Variants in PDE8B observed in about 807,000 individuals in gnomAD.
PDE8B encodes phosphodiesterase 8B.
A neutral mutation model predicts 101.3 loss-of-function variants in PDE8B; 26 were observed. That is an observed-to-expected ratio of 0.26 (90% confidence interval 0.19 to 0.36). The LOEUF (loss-of-function observed/expected upper bound fraction) is 0.36, where lower values mean the gene tolerates loss of function less well. Ranked by LOEUF, PDE8B falls within the 10% of genes least tolerant of loss-of-function variation. The pLI, the probability that PDE8B is intolerant of heterozygous loss-of-function variation, is 1.00. For synonymous variants in PDE8B, 424 were observed against 429.3 expected (o/e 0.99, Z 0.15); for missense variants, 810 against 1,163.1 (o/e 0.70, Z 4.42).
chr5:77,119,702 T>C, the PDE8B span: 3,148 of 149,362 alleles, frequency 0.021, 40 homozygotes, highest in Non-Finnish European at 0.033. Flanking sequence ...AGCAGCATTA[T>C]GTGTTATAGT....
intron 1 of PDE8B, among the ~76,000 whole-genome samples, chr5:77,246,007 C>T (rs941830281): frequency 4.0e-5 from 6 of 151,784 alleles, no homozygotes; most frequent in Non-Finnish European, 5.9e-5. Flanking sequence ...CGCACTACCA[C>T]GCCCAGCTAA....
At chr5:77,290,173 A>G in intron 1 of PDE8B, 1 of 1,448,516 alleles carries the variant, frequency 6.9e-7, no homozygotes. Context: ...GTCTTACATT[A>G]AAAACCATTG....
At chr5:77,207,169 G>C (rs1580308262), upstream of PDE8B, among the ~76,000 whole-genome samples, 1 of 152,342 alleles carries the variant, frequency 6.6e-6, no homozygotes, top group East Asian at 1.9e-4. Context: ...AGCTCTGTAA[G>C]GTTGATTGGT....
intron 1 of PDE8B, among the ~76,000 whole-genome samples, chr5:77,238,259 T>A (rs1365141407): frequency 1.3e-5 from 2 of 152,190 alleles, no homozygotes; most frequent in African/African-American, 4.8e-5. Flanking sequence ...TCTGTTTTTT[T>A]AGTTCAGTCT....
chr5:77,124,571 G>A, the PDE8B span, among the ~76,000 whole-genome samples: 1 of 150,910 alleles, frequency 6.6e-6, no homozygotes, highest in Non-Finnish European at 1.5e-5. Context: ...GGGTGACAGA[G>A]TGAGACACTG....
chr5:77,419,190 T>C (rs1013586983), intron 18 of PDE8B, among the ~76,000 whole-genome samples: 1 of 152,234 alleles, frequency 6.6e-6, no homozygotes, highest in African/African-American at 2.4e-5. Context: ...GTAGCCAATT[T>C]TATTCAAGAG....
At chr5:77,320,510 T>A (rs575791716) in intron 2 of PDE8B, among the ~76,000 whole-genome samples, 1 of 152,178 alleles carries the variant, frequency 6.6e-6, no homozygotes, top group African/African-American at 2.4e-5. Flanking sequence ...TGGATTCTTG[T>A]CCATGCTTTG....
chr5:77,369,226 G>A (rs199927886), intron 10 of PDE8B, among the ~76,000 whole-genome samples: 117 of 92,494 alleles, frequency 1.3e-3, no homozygotes, highest in Admixed American at 4.1e-3. Flanking sequence ...AAAAAAAAAA[G>A]AAGAGATAGA....
chr5:77,094,120 G>C, the PDE8B span, among the ~76,000 whole-genome samples: 1 of 151,856 alleles, frequency 6.6e-6, no homozygotes, highest in Non-Finnish European at 1.5e-5. Context: ...ACTTCAAAAA[G>C]GTTGTGGAAA....
the PDE8B span, among the ~76,000 whole-genome samples, chr5:77,163,205 G>A: frequency 1.3e-5 from 2 of 152,152 alleles, no homozygotes; most frequent in African/African-American, 4.8e-5. Context: ...AACCTTTGGG[G>A]AACACAGCAA....
At chr5:77,379,750 A>T (rs749427354) in intron 10 of PDE8B, among the ~76,000 whole-genome samples, 2 of 152,182 alleles carry the variant, frequency 1.3e-5, no homozygotes, top group African/African-American at 4.8e-5. Flanking sequence ...AATAGAAAAG[A>T]TCTTTGATCT....
At chr5:77,191,407 C>A in the PDE8B span, among the ~76,000 whole-genome samples, 1 of 151,448 alleles carries the variant, frequency 6.6e-6, no homozygotes, top group Non-Finnish European at 1.5e-5. Context: ...GGCTGGAGTG[C>A]AGTGGCGCGA....
At chr5:77,383,007 C>T (rs1387490190) in intron 10 of PDE8B, among the ~76,000 whole-genome samples, 3 of 152,166 alleles carry the variant, frequency 2.0e-5, no homozygotes, top group South Asian at 4.1e-4. Context: ...CTTGAGGAAT[C>T]GCCACACTGT....
chr5:77,363,688 G>A (rs1377002539), intron 10 of PDE8B, among the ~76,000 whole-genome samples: 2 of 151,268 alleles, frequency 1.3e-5, no homozygotes, highest in Admixed American at 1.3e-4. Flanking sequence ...CTCCAGCCTG[G>A]GTGACAGAGC....
At chr5:77,416,021 C>T (rs1363132357) in intron 17 of PDE8B, among the ~76,000 whole-genome samples, 2 of 152,196 alleles carry the variant, frequency 1.3e-5, no homozygotes, top group African/African-American at 4.8e-5. Flanking sequence ...GTGGGGTTTT[C>T]TTCCATGGAC....
chr5:77,426,160 C>CT, intron 21 of PDE8B: 1 of 590,132 alleles, frequency 1.7e-6, no homozygotes, highest in Non-Finnish European at 3.0e-6. Flanking sequence ...CCAAAGCTTA[C>CT]TGCAGTGTTT....
chr5:77,121,167 G>T, the PDE8B span, among the ~76,000 whole-genome samples: 1 of 152,106 alleles, frequency 6.6e-6, no homozygotes, highest in Non-Finnish European at 1.5e-5. Flanking sequence ...TCTAGCTCAG[G>T]GTCTGCCATG....
At chr5:77,181,519 C>T in the PDE8B span, among the ~76,000 whole-genome samples, 4 of 152,206 alleles carry the variant, frequency 2.6e-5, no homozygotes, top group Admixed American at 2.0e-4. Context: ...CCACAGGCTC[C>T]TCTATACCCT....
At chr5:77,418,757 G>A (rs917178513) in intron 18 of PDE8B, among the ~76,000 whole-genome samples, 21 of 152,220 alleles carry the variant, frequency 1.4e-4, no homozygotes, top group African/African-American at 3.9e-4. Flanking sequence ...TGTGTAACTC[G>A]AGGAAAATGT....
Sources: gnomAD v4.1 joint callset for allele counts (sites outside exome capture counted in the v4.1 genomes callset) on GRCh38, gnomAD v4.1.1 for gene constraint, MANE v1.5 for transcripts, NCBI Gene and HGNC (gene_info 2026-07-23, HGNC 2026-07-21) for gene names.